CWH43: variants seen among roughly 807,000 people sequenced by gnomAD.
CWH43 encodes cell wall biogenesis 43 C-terminal homolog, also known as PGAP2-interacting protein.
Under a neutral mutation model 85.7 loss-of-function variants are expected in CWH43, and 91 were observed. The observed-to-expected ratio is 1.06, with a 90% CI of 0.90 to 1.26. The LOEUF is 1.26. Among genes scored for constraint, CWH43 ranks in the 50% most tolerant of loss-of-function variants. The pLI is 0.00. For missense variants in CWH43, 869 were observed against 839.2 expected, an observed-to-expected ratio of 1.04 and a Z score of -0.44; for synonymous variants, 323 against 293.6, an observed-to-expected ratio of 1.10 and a Z score of -1.02.
chr4:49,048,347 T>TATATACACAC lies in CWH43; in HGVS notation c.1866-2342_1866-2341insCACACATATA, dbSNP rs1284587423. Among the ~76,000 whole-genome samples the TATATACACAC allele has an allele frequency of 3.3e-3, 501 of 151,220 alleles. 12 individuals carry two copies. Among genetic ancestry groups the TATATACACAC allele is most frequent in the East Asian group, 7.8e-4 (4 of 5,148 alleles). Reference sequence around the variant, plus strand: ...CTGTGTGTATCACTCTGTGTGTATATATATATACACTCTGTATATATATAC... The same window carrying TATATACACAC: ...CTGTGTGTATCACTCTGTGTGTATATATATACACACATATATACACTCTGTATATATATAC... On this transcript the variant is annotated intron_variant, in intron 14 of 15. Transcript: ENST00000226432.
chr4:49,031,692 T>A (rs1784104633), intron 11 of CWH43, among the ~76,000 whole-genome samples: 1 of 152,090 alleles, frequency 6.6e-6, no homozygotes, highest in African/African-American at 2.4e-5. Context: ...ATAGGTGGAA[T>A]AGCACAGATG....
chr4:49,009,440 C>G (rs1577668581), intron 8 of CWH43, among the ~76,000 whole-genome samples: 1 of 152,248 alleles, frequency 6.6e-6, no homozygotes, highest in Non-Finnish European at 1.5e-5. Context: ...ATTTGACTTC[C>G]TCTTTTCCTA....
At chr4:49,031,523 G>A (rs1156358897) in intron 11 of CWH43, among the ~76,000 whole-genome samples, 3 of 152,074 alleles carry the variant, frequency 2.0e-5, no homozygotes, top group Non-Finnish European at 4.4e-5. Context: ...GGGGGCCAAA[G>A]AGCAACTGGT....
chr4:49,061,062 C>A (rs760742666), intron 15 of CWH43, among the ~76,000 whole-genome samples: 2 of 152,016 alleles, frequency 1.3e-5, no homozygotes, highest in Non-Finnish European at 2.9e-5. Context: ...TTTAGCTAAT[C>A]GATTTTGTTA....
chr4:49,050,162 G>A (rs1177114620), intron 14 of CWH43, among the ~76,000 whole-genome samples: 20 of 152,152 alleles, frequency 1.3e-4, no homozygotes, highest in Non-Finnish European at 4.4e-5. Flanking sequence ...TGTTTTCCAC[G>A]AGCTTCTCAA....
chr4:49,054,906 G>A (rs1186267143), intron 15 of CWH43, among the ~76,000 whole-genome samples: 1 of 151,254 alleles, frequency 6.6e-6, no homozygotes, highest in African/African-American at 2.4e-5. Context: ...TTTTTTCAGT[G>A]GAGTTTTTAG....
rs1785176591 is a variant in CWH43, at chr4:49,061,988, A to G, written c.*98A>G. 1.4e-5 allele frequency: 13 copies of G among 960,672 alleles called. No homozygotes were observed. The highest frequency in any genetic ancestry group is 1.8e-5 in the Non-Finnish European group (13 of 730,862). 59.5% of individuals were successfully genotyped at this position (960,672 alleles called of 1,614,324 possible). ...AATGAAAGTGGGAAAATACACATGA[A>G]GAACCTCAACTTAAAAAACACATGG... On this transcript the variant is annotated 3_prime_UTR_variant, in exon 16 of 16. Transcript: ENST00000226432.
intron 14 of CWH43, among the ~76,000 whole-genome samples, chr4:49,050,442 A>G (rs1784757170): frequency 6.6e-6 from 1 of 152,162 alleles, no homozygotes. Context: ...TCATTAGTAT[A>G]AAAAAAGTAA....
At chr4:49,007,359 A>G (rs1397261559) in intron 8 of CWH43, 33 bp downstream of exon 8, 1 of 1,489,270 alleles carries the variant, frequency 6.7e-7, no homozygotes, top group Non-Finnish European at 8.9e-7. Flanking sequence ...AAAAAAAATT[A>G]ATTATATAAA....
At chr4:49,039,396 C>T (rs1433388247) in intron 13 of CWH43, among the ~76,000 whole-genome samples, 2 of 62,322 alleles carry the variant, frequency 3.2e-5, no homozygotes, top group Non-Finnish European at 6.8e-5. Flanking sequence ...TATATATACA[C>T]ACTGATATAT....
chr4:49,020,552 C>G (rs1783720124), intron 9 of CWH43, among the ~76,000 whole-genome samples: 1 of 152,002 alleles, frequency 6.6e-6, no homozygotes, highest in East Asian at 1.9e-4. Context: ...ATAATGACTT[C>G]TCTTCCTCTG....
At chr4:49,053,874 A>C (rs1448441695) in intron 15 of CWH43, among the ~76,000 whole-genome samples, 1 of 152,196 alleles carries the variant, frequency 6.6e-6, no homozygotes, top group African/African-American at 2.4e-5. Flanking sequence ...AAATGAATCC[A>C]AAATCTGAAA....
In CWH43 at chr4:49,044,842, G is replaced by T; in HGVS notation, c.1860G>T (p.Leu620=). 1 of 1,612,112 alleles carries T rather than the reference G, an allele frequency of 6.2e-7. No homozygotes were observed. The highest frequency in any genetic ancestry group is 1.1e-5 in the South Asian group (1 of 90,956). The stretch of plus-strand genomic sequence containing the variant: ...GTGAATACATTATGTATCGAGGGCT[G>T]ATCAGGTGAGCACAGGGGTTTGATT... ...RWCEYIMYRG[L]IRLGYARISH... Residue 620 remains leucine (L), a synonymous_variant, in exon 14 of 16, where the codon CTG becomes CTT. Coordinates refer to ENST00000226432, the MANE Select transcript of CWH43 (RefSeq NM_025087.3).
At chr4:49,048,313 A>G (rs1784692778) in intron 14 of CWH43, among the ~76,000 whole-genome samples, 2 of 151,608 alleles carry the variant, frequency 1.3e-5, no homozygotes, top group African/African-American at 4.8e-5. Flanking sequence ...GTGTATATAT[A>G]TATACACTCT....
intron 11 of CWH43, among the ~76,000 whole-genome samples, chr4:49,032,071 T>C (rs541686704): frequency 4.0e-4 from 61 of 152,302 alleles, no homozygotes; most frequent in African/African-American, 1.3e-3. Context: ...TGACAGAGAA[T>C]GCGTCTAGCT....
At chr4:49,001,166 T>G (rs1211782973) in intron 6 of CWH43, among the ~76,000 whole-genome samples, 1 of 152,188 alleles carries the variant, frequency 6.6e-6, no homozygotes, top group Non-Finnish European at 1.5e-5. Context: ...GCTTTAAATG[T>G]TGATAGCAGT....
intron 13 of CWH43, among the ~76,000 whole-genome samples, chr4:49,043,322 G>A (rs1472531379): frequency 6.6e-6 from 1 of 152,184 alleles, no homozygotes; most frequent in African/African-American, 2.4e-5. Context: ...ACGAATATTA[G>A]ACAAGATGAA....
chr4:48,990,023 G>A (rs1025296930), intron 2 of CWH43, among the ~76,000 whole-genome samples: 7 of 152,104 alleles, frequency 4.6e-5, no homozygotes, highest in Non-Finnish European at 1.0e-4. Context: ...CTCATAGGTG[G>A]TACTTTCTTG....
chr4:49,046,925 T>C (rs1452156674), intron 14 of CWH43, among the ~76,000 whole-genome samples: 1 of 152,156 alleles, frequency 6.6e-6, no homozygotes, highest in Non-Finnish European at 1.5e-5. Flanking sequence ...TCTGGAGGTA[T>C]TTGACCTGAG....
Sources: allele counts gnomAD v4.1 joint callset (sites outside exome capture counted in the v4.1 genomes callset), GRCh38; gene constraint gnomAD v4.1.1; transcripts MANE v1.5; gene names NCBI Gene and HGNC (gene_info 2026-07-23, HGNC 2026-07-21).